EIF4G3: variants seen among roughly 807,000 people sequenced by gnomAD.
The protein encoded by EIF4G3 is eukaryotic translation initiation factor 4 gamma 3, also known as eIF-4-gamma 3.
EIF4G3 carries 34 observed loss-of-function variants against 186.4 expected under a neutral mutation model. That is an observed-to-expected ratio of 0.18 (90% confidence interval 0.14 to 0.24). The LOEUF is 0.24. Among genes scored for constraint, EIF4G3 ranks in the 10% least tolerant of loss-of-function variants. The pLI is 1.00. For synonymous variants in EIF4G3, 673 were observed against 679.5 expected (o/e 0.99, Z 0.15); for missense variants, 1,536 against 1,948.5 (o/e 0.79, Z 3.99).
intron 2 of EIF4G3, among the ~76,000 whole-genome samples, chr1:21,135,192 C>A (rs2097216933): frequency 6.6e-6 from 1 of 152,192 alleles, no homozygotes; most frequent in Non-Finnish European, 1.5e-5. Flanking sequence ...AGAGTCACAA[C>A]AGAATTGTGA....
chr1:20,893,426 C>A, intron 18 of EIF4G3, 91 bp downstream of exon 18: 4 of 1,332,770 alleles, frequency 3.0e-6, no homozygotes, highest in Non-Finnish European at 4.0e-6. Flanking sequence ...CTAGAATCAA[C>A]GAATAAAAGC....
chr1:21,143,728 G>A (rs1447708641), intron 2 of EIF4G3, among the ~76,000 whole-genome samples: 1 of 152,132 alleles, frequency 6.6e-6, no homozygotes, highest in Non-Finnish European at 1.5e-5. Context: ...GGACCAGGCT[G>A]GCCAACATGG....
chr1:20,817,468 T>C lies in EIF4G3; in HGVS notation c.4439A>G (p.Glu1480Gly). Residue 1480 changes from glutamate (E) to glycine (G), a missense_variant, in exon 34 of 37, where the codon GAA (glutamate) becomes GGA (glycine). Coordinates refer to ENST00000602326, the MANE Select transcript of EIF4G3 (RefSeq NM_001391906.1). ...EALSKKELSA[E>G]ELYKRLEKLI... is the part of the protein sequence containing the mutation. ...TTTCTCGAGTCGCTTATACAGCTCTTCGGCAGACAGTTCTTTCTTTGAAAG... is the reference window on the plus strand; with the variant it reads ...TTTCTCGAGTCGCTTATACAGCTCTCCGGCAGACAGTTCTTTCTTTGAAAG... 6.2e-7 allele frequency: 1 copy of C among 1,609,142 alleles called. No individual in the cohort carries two copies. Among genetic ancestry groups the C allele is most frequent in the East Asian group, 2.2e-5 (1 of 44,714 alleles).
chr1:20,913,805 T>A, intron 14 of EIF4G3, among the ~76,000 whole-genome samples: 1 of 137,786 alleles, frequency 7.3e-6, no homozygotes, highest in African/African-American at 2.7e-5. Context: ...TTAGAATTTT[T>A]TTTTTTTTTT....
intron 2 of EIF4G3, among the ~76,000 whole-genome samples, chr1:21,123,717 A>C (rs1171489140): frequency 1.3e-5 from 2 of 152,212 alleles, no homozygotes; most frequent in African/African-American, 4.8e-5. Context: ...TTTAAACCAC[A>C]GAAAACAAAC....
At position 21,176,872 on chromosome 1, in the gene EIF4G3, G is replaced by A; in HGVS notation, c.-606C>T. On this transcript the variant is annotated 5_prime_UTR_variant, in exon 1 of 37. Transcript: ENST00000602326. ...GAGCATCCAACATGGCGCTGTGGCC[G>A]CCTCCAGCAGTCCGGCAGGACGGCT... The A allele has an allele frequency of 1.4e-6, 1 of 697,052 alleles. No homozygotes were observed. The highest frequency in any genetic ancestry group is 2.6e-6 in the Non-Finnish European group (1 of 381,584). The allele number at this position is 697,052 out of a possible 1,614,324, so 43.2% of individuals were successfully genotyped here. A position where few individuals can be genotyped will look rare whatever the true frequency, so the allele number is the denominator to read the frequency against.
intron 29 of EIF4G3, among the ~76,000 whole-genome samples, chr1:20,843,567 G>C (rs1041302918): frequency 5.3e-5 from 8 of 152,076 alleles, no homozygotes; most frequent in African/African-American, 2.4e-5. Flanking sequence ...TATTTAAATG[G>C]AAGTGATTAA....
At chr1:20,846,099 C>T (rs1383194353) in intron 29 of EIF4G3, among the ~76,000 whole-genome samples, 1 of 152,148 alleles carries the variant, frequency 6.6e-6, no homozygotes, top group Non-Finnish European at 1.5e-5. Flanking sequence ...ATTTGGCTTT[C>T]AGCTTGACTG....
chr1:20,831,623 T>TA (rs35821975), intron 30 of EIF4G3, among the ~76,000 whole-genome samples: 3,798 of 151,766 alleles, frequency 0.025, 150 homozygotes, highest in African/African-American at 0.086. Context: ...TTTTTTTTTT[T>TA]ATACTTTAAG....
chr1:20,999,767 A>G, intron 6 of EIF4G3: 1 of 449,488 alleles, frequency 2.2e-6, no homozygotes, highest in Non-Finnish European at 4.5e-6. Flanking sequence ...TCTTAATCCT[A>G]TGGGTAGCTG....
At chr1:20,971,856 G>A (rs1367968924) in intron 11 of EIF4G3, among the ~76,000 whole-genome samples, 1 of 152,072 alleles carries the variant, frequency 6.6e-6, no homozygotes, top group Non-Finnish European at 1.5e-5. Context: ...TTGGTCTCGA[G>A]CTCCTTACCT....
chr1:20,895,612 C>A, intron 16 of EIF4G3, 111 bp from the exon 17 acceptor site: 1 of 1,154,968 alleles, frequency 8.7e-7, no homozygotes, highest in Non-Finnish European at 1.2e-6. Flanking sequence ...GCATATACAA[C>A]ATTATAGCCC....
At chr1:21,108,939 G>GGT (rs1404528825) in intron 2 of EIF4G3, among the ~76,000 whole-genome samples, 1 of 150,612 alleles carries the variant, frequency 6.6e-6, no homozygotes, top group African/African-American at 2.5e-5. Flanking sequence ...CAAGGGGCCA[G>GGT]GTGTGGTGGC....
intron 19 of EIF4G3, among the ~76,000 whole-genome samples, chr1:20,884,059 T>C (rs1471949008): frequency 6.6e-6 from 1 of 152,176 alleles, no homozygotes; most frequent in Non-Finnish European, 1.5e-5. Flanking sequence ...TCGTTCACAA[T>C]GCTGATTTAA....
intron 20 of EIF4G3, among the ~76,000 whole-genome samples, chr1:20,876,971 G>T (rs2081070149): frequency 6.6e-6 from 1 of 152,134 alleles, no homozygotes; most frequent in African/African-American, 2.4e-5. Context: ...CAGAGCAAAA[G>T]ACCTTGTCTC....
At chr1:21,154,729 T>C (rs563129793) in intron 2 of EIF4G3, among the ~76,000 whole-genome samples, 6 of 152,350 alleles carry the variant, frequency 3.9e-5, no homozygotes, top group African/African-American at 1.2e-4. Flanking sequence ...GAACTATTAA[T>C]AAGGAGATGC....
intron 14 of EIF4G3, among the ~76,000 whole-genome samples, chr1:20,907,751 C>G (rs993507278): frequency 9.9e-5 from 15 of 152,006 alleles, no homozygotes; most frequent in Non-Finnish European, 1.5e-4. Context: ...GCATAGTATT[C>G]CATGGTGTAT....
At chr1:20,897,002 T>C (rs140748832) in intron 16 of EIF4G3, among the ~76,000 whole-genome samples, 32 of 152,328 alleles carry the variant, frequency 2.1e-4, no homozygotes, top group African/African-American at 7.5e-4. Context: ...AATTGCCTAA[T>C]GATGCATTTC....
At chr1:20,842,328 T>C (rs968663327) in intron 29 of EIF4G3, among the ~76,000 whole-genome samples, 3 of 152,214 alleles carry the variant, frequency 2.0e-5, no homozygotes, top group Non-Finnish European at 4.4e-5. Context: ...TTCATGACAT[T>C]GCCATTTTTG....
Sources: gnomAD v4.1 joint callset for allele counts (sites outside exome capture counted in the v4.1 genomes callset) on GRCh38, gnomAD v4.1.1 for gene constraint, MANE v1.5 for transcripts, NCBI Gene and HGNC (gene_info 2026-07-23, HGNC 2026-07-21) for gene names.